PREPL: variants seen among roughly 807,000 people sequenced by gnomAD.
PREPL encodes prolyl endopeptidase like.
In PREPL, 77 loss-of-function variants were observed where a neutral mutation model predicts 70.6. That is an observed-to-expected ratio of 1.09 (90% CI 0.91 to 1.32). PREPL has a LOEUF of 1.32. PREPL is among the 40% of genes most tolerant of loss of function. The pLI, the probability that PREPL is intolerant of heterozygous loss-of-function variation, is 0.00. For synonymous variants in PREPL, 315 were observed against 264.8 expected, an observed-to-expected ratio of 1.19 and a Z score of -1.84; for missense variants, 1,002 against 778.2, an observed-to-expected ratio of 1.29 and a Z score of -3.42.
chr2:44,354,953 T>A (rs977277297), intron 1 of PREPL, among the ~76,000 whole-genome samples: 1 of 152,222 alleles, frequency 6.6e-6, no homozygotes, highest in Non-Finnish European at 1.5e-5. Context: ...AACATAAAGA[T>A]AAACCAGGTA....
At chr2:44,341,689 T>C (rs1675238739) in intron 5 of PREPL, among the ~76,000 whole-genome samples, 1 of 151,744 alleles carries the variant, frequency 6.6e-6, no homozygotes, top group Non-Finnish European at 1.5e-5. Context: ...ATTTTTAAAT[T>C]TAAAATGTAT....
At position 44,321,197 on chromosome 2, in the gene PREPL, G is replaced by A; in HGVS notation, c.*159C>T. On this transcript the variant is annotated 3_prime_UTR_variant, in exon 14 of 14. Transcript: ENST00000409411. ...TCAATGGAGAGAATAGTATAAGCAA[G>A]TGAGATGTAGACTAAGCAAAATTTA... 1.6e-6 allele frequency: 1 copy of A among 644,738 alleles called. No homozygotes were observed. Among genetic ancestry groups the A allele is most frequent in the Non-Finnish European group, 2.7e-6 (1 of 369,962 alleles). The allele number at this position is 644,738 out of a possible 1,614,324, so 39.9% of individuals were successfully genotyped here.
chr2:44,326,930 T>G lies in PREPL; in HGVS notation c.1263-2A>C. 4 of 1,613,604 alleles carry G rather than the reference T, an allele frequency of 2.5e-6. No homozygotes were observed. The highest frequency in any genetic ancestry group is 3.4e-6 in the Non-Finnish European group (4 of 1,179,680). On this transcript the variant is annotated splice_acceptor_variant, in intron 9 of 13. Transcript: ENST00000409411. LOFTEE classifies it high-confidence loss of function. ...TGGAGGCCTAACTCACCACCACCTC[T>G]GAAATTGAAGGGCAAAAAAGTTTTA...
In PREPL at chr2:44,319,936, G is replaced by T; in HGVS notation, c.*1420C>A. 1 of 402,114 alleles carries T rather than the reference G, an allele frequency of 2.5e-6. No homozygotes were observed. Among genetic ancestry groups the T allele is most frequent in the Non-Finnish European group, 4.5e-6 (1 of 223,146 alleles). The allele number at this position is 402,114 out of a possible 1,614,324, so 24.9% of individuals were successfully genotyped here. A position where few individuals can be genotyped will look rare whatever the true frequency, so the allele number is the denominator to read the frequency against. On this transcript the variant is annotated 3_prime_UTR_variant, in exon 14 of 14. Transcript: ENST00000409411. ...GGACTCCTAAAGTGGAGTCAAATTTGATCTCTACAGAAACTCTACAATGTA... is the reference window on the plus strand; with the variant it reads ...GGACTCCTAAAGTGGAGTCAAATTTTATCTCTACAGAAACTCTACAATGTA...
chr2:44,321,280 T>G lies in PREPL; in HGVS notation c.*76A>C. 13 of 1,222,738 alleles carry G rather than the reference T, an allele frequency of 1.1e-5. No homozygotes were observed. The highest frequency in any genetic ancestry group is 1.5e-5 in the Non-Finnish European group (13 of 866,634). The allele number at this position is 1,222,738 out of a possible 1,614,324, so 75.7% of individuals were successfully genotyped here. On this transcript the variant is annotated 3_prime_UTR_variant, in exon 14 of 14. Transcript: ENST00000409411. ...TTAAAAGTCTCAAGTTATTAATTTT[T>G]TTTTTGCTAACTCAATTGGAAGTAA... is the stretch of plus-strand genomic sequence containing the variant.
intron 5 of PREPL, among the ~76,000 whole-genome samples, chr2:44,339,586 A>G (rs1015427171): frequency 1.3e-5 from 2 of 152,222 alleles, no homozygotes; most frequent in East Asian, 1.9e-4. Context: ...CTAACATTTT[A>G]TCATAAATGT....
In PREPL at chr2:44,328,805, TG is replaced by T. The variant is rs545953872; in HGVS notation, c.1262+131del. The T allele has an allele frequency of 3.7e-4, 345 of 925,098 alleles. 2 individuals carry two copies. The African/African-American group carries it at 5.5e-3, about 15-fold the overall frequency. The allele number at this position is 925,098 out of a possible 1,614,324, so 57.3% of individuals were successfully genotyped here. On this transcript the variant is annotated intron_variant, in intron 9 of 13. Transcript: ENST00000409411. Reference sequence around the variant, plus strand: ...TTAAAGAATCAAGTTTCACCAGTGCTGGTTTAGGAATACAAAAATTGAATAA... The same window carrying T: ...TTAAAGAATCAAGTTTCACCAGTGCTGTTTAGGAATACAAAAATTGAATAA...
At position 44,338,541 on chromosome 2, in the gene PREPL, G is replaced by A. The variant is rs758435946; in HGVS notation, c.703-5C>T. 37 of 1,594,856 alleles carry A rather than the reference G, an allele frequency of 2.3e-5. No homozygotes were observed. Among genetic ancestry groups the A allele is most frequent in the Middle Eastern group, 3.3e-4 (2 of 6,008 alleles). On this transcript the variant is annotated splice_region_variant and splice_polypyrimidine_tract_variant and intron_variant, in intron 6 of 13. Transcript: ENST00000409411. ...ATCAGCCGCTGTTCTCATTAGCTAC[G>A]TGGAACAAAGTTAGAAGACATATAG...
At chr2:44,353,075 T>A (rs1676620878) in intron 1 of PREPL, among the ~76,000 whole-genome samples, 1 of 151,416 alleles carries the variant, frequency 6.6e-6, no homozygotes, top group African/African-American at 2.4e-5. Context: ...AGCAAGACTC[T>A]GTCTCTATTT....
Position 44,322,809 on chromosome 2 carries a change from C to A in PREPL, c.1675G>T (p.Val559Leu), listed in dbSNP as rs1673111566. ...TAACTTACAATTCCTTTCAGAGGTA[C>A]CCGTTCATCGTTTTCATATGCCGTT... ...HITAYENDER[V>L]PLKGIVSYTE... The change falls in exon 12 of 14, where the codon GTA (valine) becomes TTA (leucine). Residue 559 changes from valine (V) to leucine (L), a missense_variant. Transcript: ENST00000409411. The A allele has an allele frequency of 3.7e-6, 6 of 1,613,754 alleles. No individual in the cohort carries two copies. In the South Asian group the frequency reaches 4.4e-5, roughly 12 times the overall value.
chr2:44,342,857 T>C (rs1242920696), intron 4 of PREPL, among the ~76,000 whole-genome samples: 3 of 152,204 alleles, frequency 2.0e-5, no homozygotes, highest in Non-Finnish European at 4.4e-5. Flanking sequence ...CATTTGCTTT[T>C]AGGAGGTGAA....
chr2:44,336,015 C>T (rs1446111318), intron 7 of PREPL, among the ~76,000 whole-genome samples: 2 of 152,002 alleles, frequency 1.3e-5, no homozygotes, highest in Non-Finnish European at 2.9e-5. Context: ...TACCATCTCA[C>T]ATCAGTTAGA....
intron 5 of PREPL, among the ~76,000 whole-genome samples, chr2:44,340,557 T>A (rs1461453568): frequency 2.0e-5 from 3 of 152,342 alleles, no homozygotes; most frequent in East Asian, 3.8e-4. Flanking sequence ...TCAATCGTTA[T>A]TTCTTTTGTG....
rs1229110410 is a variant in PREPL at position 44,319,372 on chromosome 2, T to A, written c.*1984A>T. On this transcript the variant is annotated 3_prime_UTR_variant, in exon 14 of 14. Coordinates refer to ENST00000409411, the MANE Select transcript of PREPL (RefSeq NM_001171613.2). ...TAACTGTCTTTCTGATAATCTATCTTAAGTAATACAAAAATGGGGGGAGGG... is the reference window on the plus strand; with the variant it reads ...TAACTGTCTTTCTGATAATCTATCTAAAGTAATACAAAAATGGGGGGAGGG... The A allele has an allele frequency of 2.0e-5, 3 of 152,556 alleles. No homozygotes were observed. The highest frequency in any genetic ancestry group is 4.4e-5 in the Non-Finnish European group (3 of 68,018). 9.5% of individuals were successfully genotyped at this position (152,556 alleles called of 1,614,324 possible).
chr2:44,330,352 C>T (rs1673968150), intron 8 of PREPL, among the ~76,000 whole-genome samples: 1 of 152,184 alleles, frequency 6.6e-6, no homozygotes, highest in Non-Finnish European at 1.5e-5. Context: ...TTCCCTTCTC[C>T]CCTCTTGGCT....
intron 6 of PREPL, 23 bp downstream of exon 6, chr2:44,339,124 G>A: frequency 1.2e-6 from 2 of 1,611,920 alleles, no homozygotes; most frequent in Non-Finnish European, 1.7e-6. Flanking sequence ...GCCCAAATAG[G>A]AACAACGAGC....
chr2:44,332,658 T>G lies in PREPL; in HGVS notation c.889-2A>C. Reference sequence around the variant, plus strand: ...GAATCCACAGGCCCAAGGAGGGAGCTAAAGAAATACAACAGCTATTTTTAT... The same window carrying G: ...GAATCCACAGGCCCAAGGAGGGAGCGAAAGAAATACAACAGCTATTTTTAT... On this transcript the variant is annotated splice_acceptor_variant, in intron 7 of 13. Coordinates refer to ENST00000409411, the MANE Select transcript of PREPL (RefSeq NM_001171613.2). LOFTEE classifies it high-confidence loss of function. The G allele has an allele frequency of 6.2e-7, 1 of 1,601,834 alleles. No individual in the cohort carries two copies. Among genetic ancestry groups the G allele is most frequent in the Non-Finnish European group, 8.5e-7 (1 of 1,173,610 alleles).
rs752217814 is a variant in PREPL, at chr2:44,343,704, T to C, written c.349+41A>G. 5 of 1,547,724 alleles carry C rather than the reference T, an allele frequency of 3.2e-6. No homozygotes were observed. The South Asian group carries it at 3.4e-5, about 10-fold the overall frequency. ...AAAAAATGTTTCAAAAGTGTTACCG[T>C]TGCCTTTCAACACAGAGGACTATTT... On this transcript the variant is annotated intron_variant, in intron 4 of 13. Coordinates refer to ENST00000409411, the MANE Select transcript of PREPL (RefSeq NM_001171613.2).
At chr2:44,349,233 G>C (rs918358127) in intron 1 of PREPL, among the ~76,000 whole-genome samples, 1 of 152,208 alleles carries the variant, frequency 6.6e-6, no homozygotes, top group South Asian at 2.1e-4. Context: ...CAGCCCTTCA[G>C]TCAAGACTAA....
Sources: allele counts gnomAD v4.1 joint callset (sites outside exome capture counted in the v4.1 genomes callset), GRCh38; gene constraint gnomAD v4.1.1; transcripts MANE v1.5; gene names NCBI Gene and HGNC (gene_info 2026-07-23, HGNC 2026-07-21).